The following URI1 variants were observed in gnomAD, a reference collection of about 807,000 sequenced individuals.
The protein encoded by URI1 is URI1 prefoldin like chaperone, also known as unconventional prefoldin RPB5 interactor 1.
Under a neutral mutation model 60.2 loss-of-function variants are expected in URI1, and 39 were observed. The ratio of observed to expected loss-of-function variants is 0.65; its 90% CI spans 0.50 to 0.85. URI1 has a LOEUF of 0.85. Among genes scored for constraint, URI1 ranks in the 40% least tolerant of loss-of-function variants. URI1 has a pLI of 0.00. For synonymous variants in URI1, 251 were observed against 236.8 expected, an observed-to-expected ratio of 1.06 and a Z score of -0.55; for missense variants, 691 against 665.9, an observed-to-expected ratio of 1.04 and a Z score of -0.42.
upstream of URI1, among the ~76,000 whole-genome samples, chr19:29,941,170 C>T (rs1266244450): frequency 5.9e-5 from 9 of 152,200 alleles, no homozygotes; most frequent in Admixed American, 4.6e-4. Flanking sequence ...ATCTCTCTGC[C>T]TAGACTTGTC....
Position 29,936,114 on chromosome 19 carries a change from G to A in URI1, c.63+12360G>A, listed in dbSNP as rs143921407. On this transcript the variant is annotated intron_variant, in intron 1 of 10. Transcript: ENST00000360605. Reference sequence around the variant, plus strand: ...AAAAAAAATTTTTTTTTGAGATGGAGTTTTGCTTTTTTAGAGTTTTGCTCT... The same window carrying A: ...AAAAAAAATTTTTTTTTGAGATGGAATTTTGCTTTTTTAGAGTTTTGCTCT... Among the ~76,000 whole-genome samples, 55 of 150,204 alleles carry A rather than the reference G, an allele frequency of 3.7e-4. No homozygotes were observed. The South Asian group carries it at 8.1e-3, about 22-fold the overall frequency.
At chr19:29,937,612 T>G (rs1467125250), upstream of URI1, 1 of 152,232 alleles carries the variant, frequency 6.6e-6, no homozygotes, top group Admixed American at 6.5e-5. Flanking sequence ...TGCATGTGGT[T>G]ACTGATGTTT....
chr19:30,009,310 C>G lies in URI1; in HGVS notation c.992C>G (p.Ser331Cys). The G allele has an allele frequency of 6.2e-7, 1 of 1,613,994 alleles. No homozygotes were observed. The highest frequency in any genetic ancestry group is 1.6e-4 in the Middle Eastern group (1 of 6,062). The change falls in exon 8 of 11, where the codon TCT becomes TGT. Residue 331 changes from serine (S) to cysteine (C), a missense_variant. Ser to Cys is a moderately radical substitution (Grantham distance 112, BLOSUM62 -1). Coordinates refer to ENST00000392271, the MANE Select transcript of URI1 (RefSeq NM_003796.3). The stretch of plus-strand genomic sequence containing the variant: ...GAGGCTTTAGGGGTTGGAGATAATT[C>G]TATACCAACAATATATTTTTCACAT... ...DHEALGVGDN[S>C]IPTIYFSHTV...
At chr19:29,951,776 G>A (rs1364662310) in intron 1 of URI1, among the ~76,000 whole-genome samples, 1 of 152,162 alleles carries the variant, frequency 6.6e-6, no homozygotes, top group Admixed American at 6.5e-5. Flanking sequence ...TCGATCTCCT[G>A]ACCTCAGGTG....
chr19:30,000,863 C>T (rs1404049619), intron 4 of URI1, among the ~76,000 whole-genome samples: 3 of 151,798 alleles, frequency 2.0e-5, no homozygotes, highest in Non-Finnish European at 4.4e-5. Context: ...ATTTCCTTTT[C>T]TTGTTGCCTA....
chr19:29,985,348 CAT>C (rs764489561), intron 3 of URI1, 47 bp downstream of exon 3: 1 of 1,489,426 alleles, frequency 6.7e-7, no homozygotes, highest in East Asian at 2.3e-5. Context: ...TTCTTGTAAA[CAT>C]ATTAACTATG....
At chr19:30,012,164 T>C (rs772255386) in intron 9 of URI1, 121 bp from the exon 10 acceptor site, 587 of 1,178,684 alleles carry the variant, frequency 5.0e-4, no homozygotes, top group Non-Finnish European at 6.5e-4. Flanking sequence ...ATTTTAGATA[T>C]AAGATTGTAA....
At chr19:29,991,301 T>C (rs1437624707) in intron 4 of URI1, among the ~76,000 whole-genome samples, 3 of 152,228 alleles carry the variant, frequency 2.0e-5, no homozygotes, top group Admixed American at 6.5e-5. Context: ...TTTTGTAGTT[T>C]TTGAGCATAC....
intron 4 of URI1, among the ~76,000 whole-genome samples, chr19:29,991,821 G>GTATTTTGTCCA (rs2055750637): frequency 6.6e-6 from 1 of 152,096 alleles, no homozygotes. Context: ...ATGAAAATAT[G>GTATTTTGTCCA]TTGAATTTTG....
At chr19:29,977,585 T>TGAGGG (rs3049112) in intron 2 of URI1, among the ~76,000 whole-genome samples, 2 of 139,376 alleles carry the variant, frequency 1.4e-5, no homozygotes, top group Non-Finnish European at 1.5e-5. Context: ...TCCCTCCTCT[T>TGAGGG]GAGCAGAGAG....
chr19:30,010,089 C>G (rs1008796887), intron 8 of URI1, among the ~76,000 whole-genome samples: 1 of 152,092 alleles, frequency 6.6e-6, no homozygotes, highest in Non-Finnish European at 1.5e-5. Flanking sequence ...ACTGGGAATT[C>G]GTCTAATTCG....
At chr19:30,000,456 G>A (rs1288471579) in intron 4 of URI1, among the ~76,000 whole-genome samples, 3 of 151,754 alleles carry the variant, frequency 2.0e-5, no homozygotes, top group Admixed American at 1.3e-4. Context: ...GAACCTGCTC[G>A]GAGGTACTTC....
chr19:30,007,255 G>A (rs569383641), intron 6 of URI1, among the ~76,000 whole-genome samples: 1 of 152,122 alleles, frequency 6.6e-6, no homozygotes, highest in Non-Finnish European at 1.5e-5. Context: ...CTTCTGAAGT[G>A]TTCCCCAAGG....
At chr19:30,003,263 G>T (rs564428167) in intron 4 of URI1, among the ~76,000 whole-genome samples, 2 of 151,994 alleles carry the variant, frequency 1.3e-5, no homozygotes, top group South Asian at 4.1e-4. Context: ...CGGTTGCCCA[G>T]CTTTCTTTTG....
At chr19:29,961,169 C>A (rs2055318578) in intron 1 of URI1, among the ~76,000 whole-genome samples, 2 of 151,360 alleles carry the variant, frequency 1.3e-5, no homozygotes, top group Non-Finnish European at 2.9e-5. Flanking sequence ...CCATTTTAAT[C>A]ATTTTTAAGT....
At chr19:29,939,511 T>C (rs949308631), upstream of URI1, among the ~76,000 whole-genome samples, 2 of 151,796 alleles carry the variant, frequency 1.3e-5, no homozygotes, top group Non-Finnish European at 2.9e-5. Context: ...TGACCTCAAA[T>C]GATCCGCCTG....
At chr19:29,947,429 G>A (rs781641876) in intron 1 of URI1, among the ~76,000 whole-genome samples, 1 of 152,188 alleles carries the variant, frequency 6.6e-6, no homozygotes, top group East Asian at 1.9e-4. Context: ...TGTGTCTTCA[G>A]TTCCACTTAG....
chr19:30,009,222 GA>G lies in URI1; in HGVS notation c.905del (p.Asp302ValfsTer24). On this transcript the variant is annotated frameshift_variant, in exon 8 of 11. Transcript: ENST00000392271. LOFTEE classifies it high-confidence loss of function. ...CAGTTCTTACCACAGTGATGATGAT[GA>G]TGATGATGATGATGACGACGACGAC... is the stretch of plus-strand genomic sequence containing the variant. ...GSSSYHSDDD[D>X]DDDDDDDDDN... is the part of the protein sequence containing the mutation. The G allele has an allele frequency of 6.2e-7, 1 of 1,611,916 alleles. No individual in the cohort carries two copies. Among genetic ancestry groups the G allele is most frequent in the Non-Finnish European group, 8.5e-7 (1 of 1,178,616 alleles).
chr19:29,942,218 G>C (rs904095882), upstream of URI1: 14 of 984,606 alleles, frequency 1.4e-5, no homozygotes, highest in Non-Finnish European at 3.6e-6. Context: ...CTTGCTTCCG[G>C]CGTGCCGCGA....
Sources: allele counts gnomAD v4.1 joint callset (sites outside exome capture counted in the v4.1 genomes callset), GRCh38; gene constraint gnomAD v4.1.1; transcripts MANE v1.5; gene names NCBI Gene and HGNC (gene_info 2026-07-23, HGNC 2026-07-21).